Variants in MEGF6 observed in about 807,000 individuals in gnomAD.
MEGF6 encodes the protein multiple epidermal growth factor-like domains protein 6.
A neutral mutation model predicts 207.1 loss-of-function variants in MEGF6; 184 were observed. The observed-to-expected ratio is 0.89, with a 90% confidence interval of 0.79 to 1.00. The LOEUF (loss-of-function observed/expected upper bound fraction) is 1.00. Among genes scored for constraint, MEGF6 ranks in the 50% least tolerant of loss-of-function variants. The pLI is 0.00. For synonymous variants in MEGF6, 1,038 were observed against 910.0 expected (o/e 1.14, Z -2.53); for missense variants, 2,282 against 2,202.9 (o/e 1.04, Z -0.72).
chr1:3,499,998 G>T, intron 21 of MEGF6, 74 bp from the exon 22 acceptor site: 2 of 1,482,876 alleles, frequency 1.3e-6, no homozygotes, highest in Non-Finnish European at 1.8e-6. Flanking sequence ...GGGCCTTGCC[G>T]CCATCCCCAG....
chr1:3,598,328 C>T (rs909392700), intron 2 of MEGF6, among the ~76,000 whole-genome samples: 5 of 152,198 alleles, frequency 3.3e-5, no homozygotes, highest in East Asian at 1.9e-4. Flanking sequence ...GCGGGCGGGC[C>T]GCTTCCCGGA....
chr1:3,538,695 C>CGTGTGTGTGTGTGT (rs1330145759), intron 4 of MEGF6, among the ~76,000 whole-genome samples: 3 of 95,466 alleles, frequency 3.1e-5, no homozygotes, highest in African/African-American at 1.4e-4. Context: ...AGAGCATGTG[C>CGTGTGTGTGTGTGT]CTGTGTGTGT....
chr1:3,523,129 G>A (rs1482278044), intron 5 of MEGF6, among the ~76,000 whole-genome samples: 2 of 152,084 alleles, frequency 1.3e-5, no homozygotes, highest in Non-Finnish European at 2.9e-5. Context: ...GGCAGGACCG[G>A]GAGGGAGGCT....
intron 4 of MEGF6, among the ~76,000 whole-genome samples, chr1:3,536,375 G>A (rs895713989): frequency 3.3e-5 from 5 of 152,184 alleles, no homozygotes; most frequent in Admixed American, 6.5e-5. Context: ...TGAGACGTCC[G>A]TCCAGGTCCC....
At chr1:3,503,873 G>A (rs1338580793) in intron 17 of MEGF6, among the ~76,000 whole-genome samples, 1 of 152,168 alleles carries the variant, frequency 6.6e-6, no homozygotes, top group Non-Finnish European at 1.5e-5. Flanking sequence ...GGCGCTCAGA[G>A]CTGCTGCACA....
At chr1:3,499,548 C>T (rs753425180) in intron 23 of MEGF6, 40 bp downstream of exon 23, 7 of 1,551,956 alleles carry the variant, frequency 4.5e-6, no homozygotes, top group South Asian at 1.2e-5. Flanking sequence ...CCTGGCACCC[C>T]CTCCTGCAGC....
intron 4 of MEGF6, among the ~76,000 whole-genome samples, chr1:3,536,273 CTCAT>C (rs1021924230): frequency 5.5e-5 from 8 of 144,738 alleles, no homozygotes; most frequent in African/African-American, 2.0e-4. Flanking sequence ...CCTTCATTGG[CTCAT>C]TCATTTAGTT....
At chr1:3,546,662 AG>A (rs1368231591) in intron 4 of MEGF6, among the ~76,000 whole-genome samples, 1 of 103,420 alleles carries the variant, frequency 9.7e-6, no homozygotes, top group Non-Finnish European at 2.0e-5. Context: ...GGGGGCTGCC[AG>A]GGAGGCCGAG....
intron 4 of MEGF6, among the ~76,000 whole-genome samples, chr1:3,548,680 G>T (rs2101573756): frequency 6.6e-6 from 1 of 152,310 alleles, no homozygotes; most frequent in East Asian, 1.9e-4. Context: ...CGGTGTCCAG[G>T]CAGGTGGGGC....
In MEGF6 at chr1:3,496,837, C is replaced by T. The variant is rs1347099762; in HGVS notation, c.3614-54G>A. ...CTGGGGCTGGAGGCTTCCCCAGTGC[C>T]CCTGAACACAGCAAGGCAGCTCTCA... On this transcript the variant is annotated intron_variant, in intron 28 of 36. Transcript: ENST00000356575. The T allele has an allele frequency of 2.9e-5, 45 of 1,537,048 alleles. No individual in the cohort carries two copies. In the East Asian group the frequency reaches 9.8e-4, roughly 34 times the overall value.
chr1:3,594,222 A>G lies in MEGF6; in HGVS notation c.376+1116T>C, dbSNP rs903219805. Among the ~76,000 whole-genome samples the G allele has an allele frequency of 8.5e-5, 13 of 152,166 alleles. No homozygotes were observed. The highest frequency in any genetic ancestry group is 3.1e-4 in the African/African-American group (13 of 41,436). ...GGTGGAAGGATCGCTTGAGCCTAGG[A>G]GCTCAAGACCAGCCTGGGCAACATG... On this transcript the variant is annotated intron_variant, in intron 3 of 36. Coordinates refer to ENST00000356575, the MANE Select transcript of MEGF6 (RefSeq NM_001409.4). This position sits in a 1 kb window ranked among gnomAD's most constrained non-coding sequence, Gnocchi z 4.2.
chr1:3,496,513 G>T, intron 29 of MEGF6, 142 bp downstream of exon 29: 1 of 1,252,186 alleles, frequency 8.0e-7, no homozygotes, highest in Non-Finnish European at 1.1e-6. Flanking sequence ...CTCTGGCTTA[G>T]CCCCACTTGG....
intron 26 of MEGF6, among the ~76,000 whole-genome samples, chr1:3,497,884 G>A (rs1209628875): frequency 6.6e-6 from 1 of 152,178 alleles, no homozygotes; most frequent in Admixed American, 6.5e-5. Flanking sequence ...TAGGGGCTTG[G>A]GTGGGAGGCC....
chr1:3,540,163 C>T (rs983724027), intron 4 of MEGF6, among the ~76,000 whole-genome samples: 18 of 152,224 alleles, frequency 1.2e-4, no homozygotes, highest in African/African-American at 3.6e-4. Context: ...TGGCTCTCAC[C>T]GCTGACGCTG....
chr1:3,611,647 A>C (rs1570261973), upstream of MEGF6, among the ~76,000 whole-genome samples: 1 of 58,938 alleles, frequency 1.7e-5, no homozygotes, highest in Non-Finnish European at 3.3e-5. Flanking sequence ...CTACCCCACC[A>C]GCGCCCCGCC....
At position 3,497,266 on chromosome 1, in the gene MEGF6, G is replaced by C; in HGVS notation, c.3448C>G (p.Pro1150Ala). 2 of 1,546,432 alleles carry C rather than the reference G, an allele frequency of 1.3e-6. No individual in the cohort carries two copies. Among genetic ancestry groups the C allele is most frequent in the Non-Finnish European group, 1.7e-6 (2 of 1,148,584 alleles). ...CAGCCGGAGCCAGTGAAGCCAGGGG[G>C]ACAGCGGCAGGCCCCAGTGACGTGG... is the stretch of plus-strand genomic sequence containing the variant. ...CHHVTGACRC[P>A]PGFTGSGCEQ... Residue 1150 changes from proline to alanine, a missense_variant, in exon 27 of 37, where the codon CCC becomes GCC. Transcript: ENST00000356575.
chr1:3,602,638 C>G, intron 1 of MEGF6, 38 bp from the exon 2 acceptor site: 2 of 1,572,972 alleles, frequency 1.3e-6, no homozygotes, highest in South Asian at 1.2e-5. Context: ...CCTCGGCCAC[C>G]CCCAGCCGGC....
At chr1:3,564,056 G>A (rs2101656740) in intron 4 of MEGF6, among the ~76,000 whole-genome samples, 1 of 152,280 alleles carries the variant, frequency 6.6e-6, no homozygotes, top group Non-Finnish European at 1.5e-5. Context: ...CCCAAGTTCA[G>A]GCAAGCTGAT....
At chr1:3,523,075 G>T (rs1048936006) in intron 5 of MEGF6, among the ~76,000 whole-genome samples, 6 of 31,658 alleles carry the variant, frequency 1.9e-4, no homozygotes, top group African/African-American at 5.8e-4. Context: ...AGTGTGTGCC[G>T]GGGGGGGGGC....
Sources: allele counts gnomAD v4.1 joint callset (sites outside exome capture counted in the v4.1 genomes callset), GRCh38; gene constraint gnomAD v4.1.1; non-coding constraint Gnocchi (gnomAD v3.1); transcripts MANE v1.5; gene names NCBI Gene and HGNC (gene_info 2026-07-23, HGNC 2026-07-21).